The following DENND1A variants were observed in gnomAD, a reference collection of about 807,000 sequenced individuals.
DENND1A encodes the protein DENN domain containing 1A.
In DENND1A, 51 loss-of-function variants were observed where a neutral mutation model predicts 113.7. That is an observed-to-expected ratio of 0.45 (90% CI 0.36 to 0.57). The LOEUF (loss-of-function observed/expected upper bound fraction) is 0.57. Ranked by LOEUF, DENND1A falls within the 20% of genes least tolerant of loss-of-function variation. The pLI is 0.00. For synonymous variants in DENND1A, 565 were observed against 570.8 expected (o/e 0.99, Z 0.14); for missense variants, 1,258 against 1,395.9 (o/e 0.90, Z 1.57).
intron 5 of DENND1A, among the ~76,000 whole-genome samples, chr9:123,701,850 C>T (rs1219860406): frequency 6.6e-6 from 1 of 152,112 alleles, no homozygotes; most frequent in Non-Finnish European, 1.5e-5. Context: ...AACAAAGCCA[C>T]AAAAGCTTAC....
chr9:123,587,273 AG>A (rs2059223563), intron 11 of DENND1A, among the ~76,000 whole-genome samples: 1 of 152,344 alleles, frequency 6.6e-6, no homozygotes, highest in African/African-American at 2.4e-5. Context: ...CTCAGTATAT[AG>A]AGTACACAGA....
At position 123,792,771 on chromosome 9, in the gene DENND1A, G is replaced by A. The variant is rs1833189996; in HGVS notation, c.89-141C>T. 4 of 779,536 alleles carry A rather than the reference G, an allele frequency of 5.1e-6. No homozygotes were observed. The South Asian group carries it at 9.5e-5, about 18-fold the overall frequency. The allele number at this position is 779,536 out of a possible 1,614,324, so 48.3% of individuals were successfully genotyped here. On this transcript the variant is annotated intron_variant, in intron 2 of 23. Coordinates refer to ENST00000394215, the MANE Select transcript of DENND1A (RefSeq NM_001352964.2). The stretch of plus-strand genomic sequence containing the variant: ...GCAGCTGAGGCTGCTATGTTGATGA[G>A]CACAAGGAAGGACTCGGCAAGGCAC...
chr9:123,651,410 G>A (rs111668727), intron 9 of DENND1A, among the ~76,000 whole-genome samples: 12 of 152,324 alleles, frequency 7.9e-5, no homozygotes, highest in Non-Finnish European at 1.3e-4. Context: ...GCGCACATGC[G>A]CGCACACACA....
chr9:123,929,362 G>T (rs558681915), intron 1 of DENND1A, among the ~76,000 whole-genome samples: 1 of 152,152 alleles, frequency 6.6e-6, no homozygotes, highest in Non-Finnish European at 1.5e-5. Context: ...TAAGAGGGGG[G>T]AAATAGAGAG....
intron 13 of DENND1A, among the ~76,000 whole-genome samples, chr9:123,515,995 G>C (rs1004698505): frequency 1.3e-5 from 2 of 152,026 alleles, no homozygotes; most frequent in Non-Finnish European, 2.9e-5. Context: ...GATCACCTGA[G>C]CCTGGGAGGT....
At chr9:123,733,135 C>A (rs2068300033) in intron 5 of DENND1A, among the ~76,000 whole-genome samples, 1 of 152,116 alleles carries the variant, frequency 6.6e-6, no homozygotes, top group African/African-American at 2.4e-5. Context: ...GCACACGCCA[C>A]CACACTCGGC....
chr9:123,870,490 G>A (rs903530121), intron 2 of DENND1A, among the ~76,000 whole-genome samples: 2 of 148,742 alleles, frequency 1.3e-5, no homozygotes, highest in African/African-American at 5.0e-5. Flanking sequence ...AGGCTGGAGT[G>A]CAGTGGCGTG....
Position 123,594,412 on chromosome 9 carries a change from C to T in DENND1A, c.766-11142G>A, listed in dbSNP as rs139166080. Among the ~76,000 whole-genome samples, 456 of 152,138 alleles carry T rather than the reference C, an allele frequency of 3.0e-3. 3 individuals carry two copies. The highest frequency in any genetic ancestry group is 0.011 in the African/African-American group (439 of 41,492). On this transcript the variant is annotated intron_variant, in intron 11 of 23. Transcript: ENST00000394215. ...GGGTCAGAGAGGTAAAATAACTCGTCGGAAATCACATGGCTAAGAAACACT... is the reference window on the plus strand; with the variant it reads ...GGGTCAGAGAGGTAAAATAACTCGTTGGAAATCACATGGCTAAGAAACACT...
chr9:123,700,435 T>C (rs1263140235), intron 5 of DENND1A, among the ~76,000 whole-genome samples: 2 of 152,192 alleles, frequency 1.3e-5, no homozygotes, highest in African/African-American at 4.8e-5. Flanking sequence ...AAGTAACTGG[T>C]TGAGGCAAGT....
At chr9:123,836,656 T>C (rs1263851664) in intron 2 of DENND1A, among the ~76,000 whole-genome samples, 1 of 152,136 alleles carries the variant, frequency 6.6e-6, no homozygotes, top group African/African-American at 2.4e-5. Flanking sequence ...TCACATGATA[T>C]TCATTTCAAA....
chr9:123,712,158 C>A (rs1360104245), intron 5 of DENND1A, among the ~76,000 whole-genome samples: 1 of 152,204 alleles, frequency 6.6e-6, no homozygotes, highest in Non-Finnish European at 1.5e-5. Flanking sequence ...TCAACACTGT[C>A]CAGCCTTTTC....
intron 10 of DENND1A, among the ~76,000 whole-genome samples, chr9:123,618,684 T>C (rs2060782436): frequency 6.6e-6 from 1 of 152,188 alleles, no homozygotes; most frequent in African/African-American, 2.4e-5. Context: ...ACAAGCACCA[T>C]TCCCCTATGT....
intron 19 of DENND1A, among the ~76,000 whole-genome samples, chr9:123,428,913 C>T (rs1281934742): frequency 6.6e-6 from 1 of 152,216 alleles, no homozygotes; most frequent in Non-Finnish European, 1.5e-5. Flanking sequence ...CATGGAAAAA[C>T]ACTCATGCTC....
intron 5 of DENND1A, among the ~76,000 whole-genome samples, chr9:123,693,288 C>G (rs1004523588): frequency 6.6e-6 from 1 of 152,214 alleles, no homozygotes; most frequent in Admixed American, 6.5e-5. Flanking sequence ...CTGTTTTCCA[C>G]CTGTCCTTCC....
intron 11 of DENND1A, among the ~76,000 whole-genome samples, chr9:123,589,875 G>C (rs527681581): frequency 2.6e-5 from 4 of 152,290 alleles, no homozygotes; most frequent in Admixed American, 6.5e-5. Context: ...CAGCTGAGAG[G>C]ACACCAGCTC....
chr9:123,587,193 G>C (rs528881648), intron 11 of DENND1A, among the ~76,000 whole-genome samples: 1 of 152,214 alleles, frequency 6.6e-6, no homozygotes, highest in African/African-American at 2.4e-5. Context: ...GCGGTGAGAT[G>C]GTCACATGGG....
intron 1 of DENND1A, among the ~76,000 whole-genome samples, chr9:123,896,148 A>G (rs1850719420): frequency 6.6e-6 from 1 of 151,944 alleles, no homozygotes. Flanking sequence ...GAAAAAATAA[A>G]AAAAAATTAA....
intron 21 of DENND1A, among the ~76,000 whole-genome samples, chr9:123,394,226 A>G (rs2043002995): frequency 1.3e-5 from 2 of 151,902 alleles, no homozygotes; most frequent in Non-Finnish European, 2.9e-5. Flanking sequence ...TTGAACTCCT[A>G]AACTTAGGCA....
intron 13 of DENND1A, among the ~76,000 whole-genome samples, chr9:123,506,004 C>T (rs575168587): frequency 5.3e-5 from 8 of 152,014 alleles, no homozygotes; most frequent in East Asian, 1.9e-4. Context: ...GCGCCTGAGC[C>T]GAAAGTTTCC....
Sources: gnomAD v4.1 joint callset for allele counts (sites outside exome capture counted in the v4.1 genomes callset) on GRCh38, gnomAD v4.1.1 for gene constraint, MANE v1.5 for transcripts, NCBI Gene and HGNC (gene_info 2026-07-23, HGNC 2026-07-21) for gene names.